The following MYO3B variants were observed in gnomAD, a reference collection of about 807,000 sequenced individuals.
The protein encoded by MYO3B is myosin-IIIb.
MYO3B carries 156 observed loss-of-function variants against 174.6 expected under a neutral mutation model. The observed-to-expected ratio is 0.89, with a 90% CI of 0.78 to 1.02. MYO3B has a LOEUF of 1.02. Among genes scored for constraint, MYO3B ranks in the 50% least tolerant of loss-of-function variants. The pLI, the probability that MYO3B is intolerant of heterozygous loss-of-function variation, is 0.00. For missense variants in MYO3B, 1,632 were observed against 1,639.4 expected (o/e 1.00, Z 0.08); for synonymous variants, 563 against 569.1 (o/e 0.99, Z 0.15).
At chr2:170,297,275 A>G (rs1381860547) in intron 7 of MYO3B, among the ~76,000 whole-genome samples, 1 of 152,040 alleles carries the variant, frequency 6.6e-6, no homozygotes, top group Admixed American at 6.6e-5. Context: ...ATAGGCCTGA[A>G]AAACAAAACA....
Position 170,498,704 on chromosome 2 carries a change from G to A in MYO3B, c.3126+1G>A. The A allele has an allele frequency of 6.4e-7, 1 of 1,570,454 alleles. No individual in the cohort carries two copies. Among genetic ancestry groups the A allele is most frequent in the Non-Finnish European group, 8.8e-7 (1 of 1,140,654 alleles). On this transcript the variant is annotated splice_donor_variant, in intron 26 of 34. Coordinates refer to ENST00000408978, the MANE Select transcript of MYO3B (RefSeq NM_138995.5). LOFTEE classifies it high-confidence loss of function. Reference sequence around the variant, plus strand: ...TCACTGGGTACTGGGAAAAACAAAGGTAGTTCGTTCTTTATTGTTCAAATT... The same window carrying A: ...TCACTGGGTACTGGGAAAAACAAAGATAGTTCGTTCTTTATTGTTCAAATT...
chr2:170,238,467 A>G lies in MYO3B; in HGVS notation c.749+2331A>G, dbSNP rs894153634. ...TGGCTTCAGAATTAATTTTTTTTCT[A>G]TTTGAATGTGACTATTTTCAGTGCT... On this transcript the variant is annotated intron_variant, in intron 7 of 34. Coordinates refer to ENST00000408978, the MANE Select transcript of MYO3B (RefSeq NM_138995.5). 4.6e-5 allele frequency among the ~76,000 whole-genome samples: 7 copies of G among 152,042 alleles called. No homozygotes were observed. The East Asian group carries it at 1.3e-3, about 29-fold the overall frequency.
At position 170,339,870 on chromosome 2, in the gene MYO3B, A is replaced by G. The variant is rs572355850; in HGVS notation, c.815+4420A>G. On this transcript the variant is annotated intron_variant, in intron 8 of 34. Transcript: ENST00000408978. Reference sequence around the variant, plus strand: ...ATAAATTCTGCACTGCTTTTCATCCATATGCTAGGACCCTGCTTGATGTGT... The same window carrying G: ...ATAAATTCTGCACTGCTTTTCATCCGTATGCTAGGACCCTGCTTGATGTGT... 7.9e-5 allele frequency among the ~76,000 whole-genome samples: 12 copies of G among 152,216 alleles called. No homozygotes were observed. The East Asian group carries it at 2.3e-3, about 29-fold the overall frequency.
chr2:170,439,346 T>C (rs1278194244), intron 22 of MYO3B, among the ~76,000 whole-genome samples: 3 of 152,120 alleles, frequency 2.0e-5, no homozygotes, highest in Non-Finnish European at 2.9e-5. Context: ...CACTCCAGCC[T>C]GGGTGACAAA....
intron 8 of MYO3B, among the ~76,000 whole-genome samples, chr2:170,357,687 G>A (rs1038197129): frequency 7.2e-5 from 11 of 152,030 alleles, no homozygotes; most frequent in Non-Finnish European, 1.3e-4. Context: ...ATTTGCATAC[G>A]TTGGTAGGAA....
At chr2:170,456,763 G>T (rs76668982) in intron 23 of MYO3B, among the ~76,000 whole-genome samples, 1 of 152,296 alleles carries the variant, frequency 6.6e-6, no homozygotes. Flanking sequence ...CAGCAGTTTT[G>T]ACTAACCAAT....
At chr2:170,641,731 T>G (rs1024879819) in intron 32 of MYO3B, among the ~76,000 whole-genome samples, 4 of 151,998 alleles carry the variant, frequency 2.6e-5, no homozygotes, top group Non-Finnish European at 4.4e-5. Flanking sequence ...AAAGACAAAC[T>G]TTTCACTGCT....
chr2:170,297,291 G>A lies in MYO3B; in HGVS notation c.750-38094G>A, dbSNP rs746994804. Among the ~76,000 whole-genome samples, 7 of 150,582 alleles carry A rather than the reference G, an allele frequency of 4.6e-5. 1 individual carries two copies. In the East Asian group the frequency reaches 7.8e-4, roughly 17 times the overall value. ...TAGGCCTGAAAAACAAAACATACCCGCTCCCAATGGCCACCCCCTCCCCCA... is the reference window on the plus strand; with the variant it reads ...TAGGCCTGAAAAACAAAACATACCCACTCCCAATGGCCACCCCCTCCCCCA... On this transcript the variant is annotated intron_variant, in intron 7 of 34. Coordinates refer to ENST00000408978, the MANE Select transcript of MYO3B (RefSeq NM_138995.5).
intron 7 of MYO3B, among the ~76,000 whole-genome samples, chr2:170,240,356 C>T (rs2093117641): frequency 6.6e-6 from 1 of 152,144 alleles, no homozygotes; most frequent in African/African-American, 2.4e-5. Flanking sequence ...AACTGTGGGG[C>T]AGGTACAGTG....
chr2:170,237,133 CA>C (rs2093079221), intron 7 of MYO3B, among the ~76,000 whole-genome samples: 1 of 152,148 alleles, frequency 6.6e-6, no homozygotes, highest in Non-Finnish European at 1.5e-5. Flanking sequence ...TTTCGAATCA[CA>C]AAAACAGGTC....
rs578123934 is a variant in MYO3B, at chr2:170,497,682, T to C, written c.3015-910T>C. Among the ~76,000 whole-genome samples, 14 of 152,260 alleles carry C rather than the reference T, an allele frequency of 9.2e-5. No homozygotes were observed. The South Asian group carries it at 2.9e-3, about 32-fold the overall frequency. On this transcript the variant is annotated intron_variant, in intron 25 of 34. Coordinates refer to ENST00000408978, the MANE Select transcript of MYO3B (RefSeq NM_138995.5). ...GTTTTCATTTCCTCATGAAGGCTCC[T>C]GTGTCACTTAAAACTTACGTTAAAT...
chr2:170,581,840 TG>T lies in MYO3B; in HGVS notation c.3733+37853del, dbSNP rs552991071. Among the ~76,000 whole-genome samples, 201 of 152,342 alleles carry T rather than the reference TG, an allele frequency of 1.3e-3. 2 individuals carry two copies. The highest frequency in any genetic ancestry group is 4.7e-3 in the African/African-American group (195 of 41,572). ...TCACACTTTTGATGATGATGGCATA[TG>T]TTAATAAGCTATCTTCTCAGGCAAG... On this transcript the variant is annotated intron_variant, in intron 32 of 34. Coordinates refer to ENST00000408978, the MANE Select transcript of MYO3B (RefSeq NM_138995.5).
chr2:170,422,977 C>CTT (rs34882424), intron 22 of MYO3B, among the ~76,000 whole-genome samples: 6,546 of 88,074 alleles, frequency 0.074, 635 homozygotes, highest in East Asian at 0.25. Flanking sequence ...TTCTTTCTTT[C>CTT]TTTTTTTTTT....
chr2:170,605,689 T>G (rs558693475), intron 32 of MYO3B, among the ~76,000 whole-genome samples: 18 of 152,114 alleles, frequency 1.2e-4, no homozygotes, highest in African/African-American at 4.3e-4. Context: ...AAACCCTATC[T>G]CTACTAAAAA....
intron 22 of MYO3B, among the ~76,000 whole-genome samples, chr2:170,430,083 A>C (rs2094697235): frequency 6.6e-6 from 1 of 150,652 alleles, no homozygotes; most frequent in Non-Finnish European, 1.5e-5. Flanking sequence ...GCATATATGG[A>C]GGGCCAACTT....
Position 170,247,151 on chromosome 2 carries a change from C to A in MYO3B, c.749+11015C>A, listed in dbSNP as rs183884163. Among the ~76,000 whole-genome samples the A allele has an allele frequency of 2.0e-5, 3 of 152,260 alleles. No homozygotes were observed. The East Asian group carries it at 5.8e-4, about 29-fold the overall frequency. On this transcript the variant is annotated intron_variant, in intron 7 of 34. Transcript: ENST00000408978. ...GAGCTCTACGTTTCTTCTCTGAGTT[C>A]TTCCCAGACTCAGTACTTCCAGAAT...
intron 32 of MYO3B, among the ~76,000 whole-genome samples, chr2:170,630,814 CCTGA>C (rs1441011449): frequency 6.6e-6 from 1 of 152,190 alleles, no homozygotes; most frequent in African/African-American, 2.4e-5. Context: ...AACTGAGGGA[CCTGA>C]CTGTTAGAAG....
chr2:170,367,546 T>G (rs1164617675), intron 8 of MYO3B, among the ~76,000 whole-genome samples: 1 of 152,034 alleles, frequency 6.6e-6, no homozygotes, highest in African/African-American at 2.4e-5. Flanking sequence ...ATCTTAGGAG[T>G]TTTTATACAC....
intron 3 of MYO3B, among the ~76,000 whole-genome samples, 182 bp from the exon 4 acceptor site, chr2:170,214,197 C>T (rs985839895): frequency 6.6e-6 from 1 of 152,158 alleles, no homozygotes; most frequent in African/African-American, 2.4e-5. Flanking sequence ...AAAATACATA[C>T]GCAAAGAATT....
Sources: allele counts gnomAD v4.1 joint callset (sites outside exome capture counted in the v4.1 genomes callset), GRCh38; gene constraint gnomAD v4.1.1; transcripts MANE v1.5; gene names NCBI Gene and HGNC (gene_info 2026-07-23, HGNC 2026-07-21).